The following ADAP1 variants were observed in gnomAD, a reference collection of about 807,000 sequenced individuals.
ADAP1 encodes the protein ArfGAP with dual PH domains 1.
ADAP1 carries 31 observed loss-of-function variants against 54.9 expected under a neutral mutation model. The ratio of observed to expected loss-of-function variants is 0.56; its 90% CI spans 0.42 to 0.76. The LOEUF (loss-of-function observed/expected upper bound fraction) is 0.76. Among genes scored for constraint, ADAP1 ranks in the 30% least tolerant of loss-of-function variants. The pLI, the probability that ADAP1 is intolerant of heterozygous loss-of-function variation, is 0.00. For synonymous variants in ADAP1, 313 were observed against 202.6 expected (o/e 1.55, Z -4.63); for missense variants, 535 against 512.4 (o/e 1.04, Z -0.42).
intron 1 of ADAP1, 146 bp downstream of exon 1, chr7:954,250 C>G (rs1251845584): frequency 5.0e-6 from 4 of 800,992 alleles, no homozygotes; most frequent in Non-Finnish European, 6.1e-6. Context: ...CCCATCCGAG[C>G]GCCGATCCGG....
At chr7:901,646 C>T (rs1844820945) in intron 6 of ADAP1, among the ~76,000 whole-genome samples, 2 of 151,456 alleles carry the variant, frequency 1.3e-5, no homozygotes, top group African/African-American at 4.9e-5. Context: ...CCCACCCACC[C>T]CGACTGCCCC....
chr7:930,929 A>AT (rs1344299086), intron 2 of ADAP1, among the ~76,000 whole-genome samples: 3 of 149,294 alleles, frequency 2.0e-5, no homozygotes, highest in Admixed American at 6.7e-5. Context: ...TTAGTGAGCT[A>AT]TGATAGTGCC....
chr7:949,223 A>C (rs1847211441), intron 1 of ADAP1, among the ~76,000 whole-genome samples: 1 of 152,178 alleles, frequency 6.6e-6, no homozygotes, highest in African/African-American at 2.4e-5. Flanking sequence ...GCACCACTGG[A>C]GTTCAGCCCT....
upstream of ADAP1, chr7:955,204 G>T: frequency 1.7e-6 from 2 of 1,188,018 alleles, no homozygotes; most frequent in Non-Finnish European, 2.4e-6. Flanking sequence ...GACCCTCTGG[G>T]CACCCCTCCC....
rs574386078 is a variant in ADAP1 at position 925,342 on chromosome 7, G to T, written c.305+1211C>A. 3.3e-3 allele frequency among the ~76,000 whole-genome samples: 484 copies of T among 146,550 alleles called. 3 individuals carry two copies. Among genetic ancestry groups the T allele is most frequent in the African/African-American group, 0.012 (459 of 39,130 alleles). ...TTGCAACCAGCCTGGGCAATGTAGG[G>T]AGACCCCGTCTCTATATTTAAAAAA... On this transcript the variant is annotated intron_variant, in intron 3 of 10. Coordinates refer to ENST00000265846, the MANE Select transcript of ADAP1 (RefSeq NM_006869.4).
rs372543426 is a variant in ADAP1 at position 908,731 on chromosome 7, C to T, written c.389-3559G>A. On this transcript the variant is annotated intron_variant, in intron 4 of 10. Transcript: ENST00000265846. ...CTGAGGGTGGACGCCGAGAAGTGCC[C>T]GGGGAGGCATCGCAGCAGCGGGCCC... Among the ~76,000 whole-genome samples, 426 of 152,326 alleles carry T rather than the reference C, an allele frequency of 2.8e-3. 3 individuals carry two copies. Among genetic ancestry groups the T allele is most frequent in the African/African-American group, 9.7e-3 (405 of 41,572 alleles).
In ADAP1 at chr7:954,440, A is replaced by G; in HGVS notation, c.38T>C (p.Leu13Pro). 1 of 1,132,882 alleles carries G rather than the reference A, an allele frequency of 8.8e-7. No individual in the cohort carries two copies. The highest frequency in any genetic ancestry group is 2.0e-5 in the South Asian group (1 of 50,938). 70.2% of individuals were successfully genotyped at this position (1,132,882 alleles called of 1,614,324 possible). A position where few individuals can be genotyped will look rare whatever the true frequency, so the allele number is the denominator to read the frequency against. The change falls in exon 1 of 11, where the codon CTG becomes CCG. Residue 13 changes from leucine (L) to proline (P), a missense_variant. By Grantham distance (98) the Leu-to-Pro change is moderately conservative. Transcript: ENST00000265846. The stretch of plus-strand genomic sequence containing the variant: ...GCAGCGCGCGTTCCCCGGCCGCTGC[A>G]GCAGCTCCAGGACCGCCCTGCGCCG... The part of the protein sequence containing the change: ...KERRRAVLEL[L>P]QRPGNARCAD...
intron 1 of ADAP1, among the ~76,000 whole-genome samples, chr7:944,115 C>G (rs1168105036): frequency 6.6e-6 from 1 of 152,006 alleles, no homozygotes; most frequent in East Asian, 1.9e-4. Context: ...CAAGGTATTG[C>G]TATATTGCCC....
chr7:918,764 C>T (rs1453363847), intron 4 of ADAP1, among the ~76,000 whole-genome samples: 5 of 147,752 alleles, frequency 3.4e-5, no homozygotes, highest in African/African-American at 1.0e-4. Flanking sequence ...AGTGTGCAGA[C>T]GCCCAGCTGC....
chr7:930,015 G>A (rs1416364290), intron 2 of ADAP1, among the ~76,000 whole-genome samples: 1 of 141,934 alleles, frequency 7.0e-6, no homozygotes, highest in South Asian at 2.4e-4. Flanking sequence ...GAGGTGAGAG[G>A]ATCGTTTGAG....
At chr7:941,573 A>G (rs1846939838) in intron 1 of ADAP1, among the ~76,000 whole-genome samples, 3 of 152,240 alleles carry the variant, frequency 2.0e-5, no homozygotes, top group Admixed American at 2.0e-4. Context: ...AATGTATGAA[A>G]GAGGGATAAA....
rs183607301 is a variant in ADAP1, at chr7:898,170, G to C, written c.*751C>G. 6.6e-6 allele frequency: 1 copy of C among 152,424 alleles called. No individual in the cohort carries two copies. The highest frequency in any genetic ancestry group is 1.5e-5 in the Non-Finnish European group (1 of 68,190). 9.4% of individuals were successfully genotyped at this position (152,424 alleles called of 1,614,324 possible). A position where few individuals can be genotyped will look rare whatever the true frequency, so the allele number is the denominator to read the frequency against. On this transcript the variant is annotated 3_prime_UTR_variant, in exon 11 of 11. Coordinates refer to ENST00000265846, the MANE Select transcript of ADAP1 (RefSeq NM_006869.4). ...AAATAAATACACGGCTGGGCCGCCT[G>C]CAGCAAGCGCGACAGTGCCCGGGAC...
In ADAP1 at chr7:904,868, C is replaced by T. The variant is rs562486547; in HGVS notation, c.501+192G>A. ...AGGCTCCTGGAAAGCCTCAGCTGCC[C>T]CACCCTGGGGGACGCTGGGTCCGGC... On this transcript the variant is annotated intron_variant, in intron 5 of 10. Transcript: ENST00000265846. 5.3e-5 allele frequency among the ~76,000 whole-genome samples: 8 copies of T among 152,346 alleles called. No homozygotes were observed. In the South Asian group the frequency reaches 1.2e-3, roughly 24 times the overall value.
chr7:902,928 G>A (rs187775789), intron 6 of ADAP1, among the ~76,000 whole-genome samples: 127 of 152,320 alleles, frequency 8.3e-4, no homozygotes, highest in African/African-American at 3.0e-3. Flanking sequence ...GTCTAAGCCA[G>A]GCAGGAGGTA....
At chr7:928,273 G>A (rs745434170) in intron 2 of ADAP1, among the ~76,000 whole-genome samples, 58 of 152,186 alleles carry the variant, frequency 3.8e-4, no homozygotes, top group Non-Finnish European at 6.2e-4. Context: ...AGGCCGAGGC[G>A]GGAGGATCCC....
At chr7:905,553 A>AGAAAGGAGAAAGGAGAAAGGAGAAAGG (rs1845165290) in intron 4 of ADAP1, 1 of 5,108 alleles carries the variant, frequency 2.0e-4, no homozygotes, top group Non-Finnish European at 4.0e-4. Flanking sequence ...GGGAGAAGGG[A>AGAAAGGAGAAAGGAGAAAGGAGAAAGG]GAAAGGAGAA....
At chr7:948,439 C>T (rs1416308312) in intron 1 of ADAP1, among the ~76,000 whole-genome samples, 4 of 152,174 alleles carry the variant, frequency 2.6e-5, no homozygotes, top group Non-Finnish European at 5.9e-5. Flanking sequence ...ATGAGGAAAA[C>T]AGTCACTTCC....
intron 4 of ADAP1, among the ~76,000 whole-genome samples, chr7:909,072 G>A (rs1450491459): frequency 1.3e-5 from 2 of 152,306 alleles, no homozygotes; most frequent in South Asian, 2.1e-4. Flanking sequence ...CCCTCTGCAC[G>A]CGCGCAGCTG....
At chr7:937,654 G>C (rs1456400899) in intron 1 of ADAP1, among the ~76,000 whole-genome samples, 3 of 90,556 alleles carry the variant, frequency 3.3e-5, no homozygotes, top group Admixed American at 3.3e-4. Flanking sequence ...GGATTTGGGG[G>C]TCATGCCCGG....
Sources: allele counts gnomAD v4.1 joint callset (sites outside exome capture counted in the v4.1 genomes callset), GRCh38; gene constraint gnomAD v4.1.1; transcripts MANE v1.5; gene names NCBI Gene and HGNC (gene_info 2026-07-23, HGNC 2026-07-21).